EPB41L5: variants seen among roughly 807,000 people sequenced by gnomAD.
EPB41L5 encodes erythrocyte membrane protein band 4.1 like 5, also known as band 4.1-like protein 5.
EPB41L5 carries 55 observed loss-of-function variants against 106.6 expected under a neutral mutation model. That is an observed-to-expected ratio of 0.52 (90% CI 0.42 to 0.65). The LOEUF is 0.65. Among genes scored for constraint, EPB41L5 ranks in the 30% least tolerant of loss-of-function variants. The pLI, the probability that EPB41L5 is intolerant of heterozygous loss-of-function variation, is 0.00. For synonymous variants in EPB41L5, 297 were observed against 306.7 expected, an observed-to-expected ratio of 0.97 and a Z score of 0.33; for missense variants, 871 against 882.1, an observed-to-expected ratio of 0.99 and a Z score of 0.16.
In EPB41L5 at chr2:120,091,404, A is replaced by G. The variant is rs144676872; in HGVS notation, c.1044-151A>G. On this transcript the variant is annotated intron_variant, in intron 12 of 24. Transcript: ENST00000263713. ...CAAAAGCCGAAAGAATGATATGGTA[A>G]AGAGAGAGATCGAGACTATTAGTAG... is the stretch of plus-strand genomic sequence containing the variant. 3.8e-5 allele frequency: 23 copies of G among 597,548 alleles called. No homozygotes were observed. The East Asian group carries it at 6.0e-4, about 15-fold the overall frequency. The allele number at this position is 597,548 out of a possible 1,614,324, so 37.0% of individuals were successfully genotyped here.
Position 120,127,822 on chromosome 2 carries a change from G to C in EPB41L5, c.1472G>C (p.Gly491Ala), listed in dbSNP as rs147910281. 2.5e-6 allele frequency: 4 copies of C among 1,611,630 alleles called. No homozygotes were observed. Among genetic ancestry groups the C allele is most frequent in the Non-Finnish European group, 3.4e-6 (4 of 1,178,278 alleles). ...GTTAATGTAGCCACCAGGCTTCCGGGATTAGGGGAACCTGAAGTTGAATAT... is the reference window on the plus strand; with the variant it reads ...GTTAATGTAGCCACCAGGCTTCCGGCATTAGGGGAACCTGAAGTTGAATAT... The part of the protein sequence containing the change: ...NDVNVATRLP[G>A]LGEPEVEYET... The change falls in exon 17 of 25, where the codon GGA (glycine) becomes GCA (alanine). Residue 491 changes from glycine (G) to alanine (A), a missense_variant. By Grantham distance (60) the Gly-to-Ala change is moderately conservative. Transcript: ENST00000263713.
chr2:120,075,374 G>A (rs1030342320), intron 5 of EPB41L5, 102 bp from the exon 6 acceptor site: 76 of 848,036 alleles, frequency 9.0e-5, no homozygotes, highest in Non-Finnish European at 1.3e-5. Context: ...ATTAATACAA[G>A]TAATTTTTAA....
intron 14 of EPB41L5, among the ~76,000 whole-genome samples, chr2:120,096,985 C>T (rs992456314): frequency 2.0e-5 from 3 of 151,976 alleles, no homozygotes; most frequent in Non-Finnish European, 4.4e-5. Flanking sequence ...AGCAATGGTA[C>T]GTAGTTGAAA....
At chr2:120,174,742 T>C in intron 24 of EPB41L5, 99 bp from the exon 25 acceptor site, 2 of 994,764 alleles carry the variant, frequency 2.0e-6, no homozygotes, top group Non-Finnish European at 1.6e-6. Context: ...TGTAATCTGC[T>C]GTACCCTCAA....
chr2:120,117,142 T>C (rs1221966202), intron 16 of EPB41L5, among the ~76,000 whole-genome samples: 1 of 152,200 alleles, frequency 6.6e-6, no homozygotes, highest in Non-Finnish European at 1.5e-5. Flanking sequence ...TTAGAAGTTC[T>C]TCTGGTCTCT....
At chr2:120,091,442 G>A (rs114543323) in intron 12 of EPB41L5, 113 bp from the exon 13 acceptor site, 14,254 of 685,744 alleles carry the variant, frequency 0.021, 217 homozygotes, top group Non-Finnish European at 0.031. Flanking sequence ...GTTCCTGTGC[G>A]ATGAAGTTTA....
chr2:120,072,836 T>C (rs1250327703), intron 3 of EPB41L5, among the ~76,000 whole-genome samples: 1 of 151,956 alleles, frequency 6.6e-6, no homozygotes, highest in Non-Finnish European at 1.5e-5. Flanking sequence ...ATGTAGATGA[T>C]GTGTTGATGG....
At chr2:120,013,657 C>A (rs1411677238) in intron 1 of EPB41L5, 2 of 152,166 alleles carry the variant, frequency 1.3e-5, no homozygotes, top group East Asian at 1.9e-4. Flanking sequence ...AGAAAAACTT[C>A]AGTCTCTTGG....
chr2:120,158,294 AG>A (rs1686987960), intron 20 of EPB41L5, among the ~76,000 whole-genome samples: 1 of 152,238 alleles, frequency 6.6e-6, no homozygotes, highest in African/African-American at 2.4e-5. Context: ...GACACAACAA[AG>A]AAAGAAAACT....
chr2:120,073,163 G>GT lies in EPB41L5; in HGVS notation c.286-10dup. 6.3e-7 allele frequency: 1 copy of GT among 1,598,744 alleles called. No homozygotes were observed. The highest frequency in any genetic ancestry group is 8.5e-7 in the Non-Finnish European group (1 of 1,176,244). On this transcript the variant is annotated splice_polypyrimidine_tract_variant and intron_variant, in intron 3 of 24. Coordinates refer to ENST00000263713, the MANE Select transcript of EPB41L5 (RefSeq NM_020909.4). ...CTGTCATCTGCTTAACTAAATTTTT[G>GT]TTTTTGTTTTTCAGCATTGGTTGGA...
At chr2:120,113,581 A>T (rs1284810323) in intron 16 of EPB41L5, among the ~76,000 whole-genome samples, 1 of 152,246 alleles carries the variant, frequency 6.6e-6, no homozygotes. Flanking sequence ...TAGTTTATTC[A>T]CAAAGGTGTA....
chr2:120,066,578 A>G (rs1166736697), intron 3 of EPB41L5, among the ~76,000 whole-genome samples: 1 of 152,212 alleles, frequency 6.6e-6, no homozygotes, highest in East Asian at 1.9e-4. Context: ...AGGTAAATCT[A>G]CACACATCCA....
At chr2:120,074,473 T>C (rs752632025) in intron 5 of EPB41L5, 33 of 233,748 alleles carry the variant, frequency 1.4e-4, no homozygotes, top group Non-Finnish European at 2.6e-4. Flanking sequence ...CATGTTTCAA[T>C]ACATTGCAAT....
In EPB41L5 at chr2:120,178,038, T is replaced by G. The variant is rs959238006; in HGVS notation, c.*3131T>G. ...AGTAAGAGTCTCGAGAAGCAGAGTT[T>G]TTGTCTTGTCATTGAGAGGAGTCAG... On this transcript the variant is annotated 3_prime_UTR_variant, in exon 25 of 25. Transcript: ENST00000263713. 6.5e-6 allele frequency: 1 copy of G among 152,692 alleles called. No individual in the cohort carries two copies. Among genetic ancestry groups the G allele is most frequent in the African/African-American group, 2.4e-5 (1 of 41,456 alleles). The allele number at this position is 152,692 out of a possible 1,614,324, so 9.5% of individuals were successfully genotyped here.
chr2:120,106,779 C>A, intron 16 of EPB41L5: 1 of 985,390 alleles, frequency 1.0e-6, no homozygotes, highest in Non-Finnish European at 1.2e-6. Context: ...CTCATAAGAT[C>A]ATCGTCTCTT....
intron 3 of EPB41L5, among the ~76,000 whole-genome samples, chr2:120,045,206 T>A (rs1679684163): frequency 6.6e-6 from 1 of 152,220 alleles, no homozygotes; most frequent in Admixed American, 6.5e-5. Flanking sequence ...ACTATAGAAT[T>A]ATGGAGTCAT....
chr2:120,150,263 T>C (rs1352440134), intron 20 of EPB41L5, among the ~76,000 whole-genome samples: 16 of 152,194 alleles, frequency 1.1e-4, no homozygotes, highest in Admixed American at 1.0e-3. Flanking sequence ...ATGTGTTTGT[T>C]GGCCATTCGT....
intron 20 of EPB41L5, among the ~76,000 whole-genome samples, chr2:120,150,060 GT>G (rs1012123896): frequency 2.6e-5 from 4 of 151,660 alleles, no homozygotes; most frequent in African/African-American, 9.7e-5. Flanking sequence ...GCTCGGCTAA[GT>G]TTTTTTTCAT....
chr2:120,108,740 T>C (rs1344274759), intron 16 of EPB41L5, among the ~76,000 whole-genome samples: 1 of 152,182 alleles, frequency 6.6e-6, no homozygotes, highest in East Asian at 1.9e-4. Context: ...TCAGGAATTA[T>C]TTAATTATAA....
Sources: gnomAD v4.1 joint callset for allele counts (sites outside exome capture counted in the v4.1 genomes callset) on GRCh38, gnomAD v4.1.1 for gene constraint, MANE v1.5 for transcripts, NCBI Gene and HGNC (gene_info 2026-07-23, HGNC 2026-07-21) for gene names.